The following COL9A2 variants were observed in gnomAD, a reference collection of about 807,000 sequenced individuals.
The protein encoded by COL9A2 is collagen type IX alpha 2 chain.
In COL9A2, 66 loss-of-function variants were observed where a neutral mutation model predicts 111.6. The ratio of observed to expected loss-of-function variants is 0.59; its 90% CI spans 0.48 to 0.73. The LOEUF is 0.73. Among genes scored for constraint, COL9A2 ranks in the 30% least tolerant of loss-of-function variants. The pLI is 0.00. For missense variants in COL9A2, 881 were observed against 954.1 expected (o/e 0.92, Z 1.01); for synonymous variants, 353 against 364.1 (o/e 0.97, Z 0.35).
chr1:40,307,615 G>T lies in COL9A2; in HGVS notation c.954+88C>A. The stretch of plus-strand genomic sequence containing the variant: ...CAGAGGCAAGAAAGGGCATGTCCAT[G>T]ACCTGAGGACCCCAGGCTCTTGGTG... On this transcript the variant is annotated intron_variant, in intron 18 of 31. Coordinates refer to ENST00000372748, the MANE Select transcript of COL9A2 (RefSeq NM_001852.4). The surrounding 1 kb of genome is among the most constrained non-coding windows in gnomAD (Gnocchi z 4.8). The T allele has an allele frequency of 1.9e-6, 3 of 1,584,566 alleles. No individual in the cohort carries two copies. In the South Asian group the frequency reaches 3.4e-5, roughly 18 times the overall value.
Position 40,303,762 on chromosome 1 carries a change from TG to T in COL9A2, c.1401+44del. On this transcript the variant is annotated intron_variant, in intron 27 of 31. Transcript: ENST00000372748. The surrounding 1 kb of genome is among the most constrained non-coding windows in gnomAD (Gnocchi z 4.6). ...GGGGGGTGGGGGTCGAGGAAGGGAG[TG>T]GCCGCCCAGGAAAGTCGGAGAACGC... 1 of 1,551,940 alleles carries T rather than the reference TG, an allele frequency of 6.4e-7. No homozygotes were observed. The highest frequency in any genetic ancestry group is 8.7e-7 in the Non-Finnish European group (1 of 1,150,034).
rs373854582 is a variant in COL9A2, at chr1:40,307,765, G to C, written c.901-9C>G. ...TTGATGCCTGGGGGGCCCTACCCAG[G>C]AGGAAAGTTCAAGGGAGAGTGATAA... On this transcript the variant is annotated splice_polypyrimidine_tract_variant and intron_variant, in intron 17 of 31. Transcript: ENST00000372748. The surrounding 1 kb of genome is among the most constrained non-coding windows in gnomAD (Gnocchi z 4.8). The C allele has an allele frequency of 1.2e-6, 2 of 1,614,090 alleles. No homozygotes were observed. Among genetic ancestry groups the C allele is most frequent in the Non-Finnish European group, 1.7e-6 (2 of 1,179,960 alleles).
rs1378780348 is a variant in COL9A2, at chr1:40,310,609, C to T, written c.684+105G>A. 11 of 1,067,060 alleles carry T rather than the reference C, an allele frequency of 1.0e-5. No homozygotes were observed. The Admixed American group carries it at 1.2e-4, about 12-fold the overall frequency. The allele number at this position is 1,067,060 out of a possible 1,614,324, so 66.1% of individuals were successfully genotyped here. A position where few individuals can be genotyped will look rare whatever the true frequency, so the allele number is the denominator to read the frequency against. On this transcript the variant is annotated intron_variant, in intron 13 of 31. Transcript: ENST00000372748. The surrounding 1 kb of genome is among the most constrained non-coding windows in gnomAD (Gnocchi z 4.9). The stretch of plus-strand genomic sequence containing the variant: ...CCATCCAGAGATGCTCCCAGCTAGA[C>T]ACAGGTGTCTCTTTTACAAGCTAGA...
chr1:40,311,102 C>T lies in COL9A2; in HGVS notation c.621G>A (p.Gln207=). 8.1e-6 allele frequency: 13 copies of T among 1,614,160 alleles called. No homozygotes were observed. The highest frequency in any genetic ancestry group is 1.1e-5 in the Non-Finnish European group (13 of 1,180,034). The change falls in exon 12 of 32, where the codon CAG becomes CAA. Residue 207 remains glutamine (Q), a synonymous_variant. Coordinates refer to ENST00000372748, the MANE Select transcript of COL9A2 (RefSeq NM_001852.4). The surrounding 1 kb of genome is among the most constrained non-coding windows in gnomAD (Gnocchi z 5.1). ...CAGCCCTTGCACTCACCGGCTTCCC[C>T]TGGTGGCCAGGATCACCCAGAATCC... ...KRGILGDPGH[Q]GKPGPKGDVG...
chr1:40,312,529 C>A lies in COL9A2; in HGVS notation c.339+45G>T. ...GCTTCATGGCTCCCTCTGCAGGTCCCCTCTCCCCCAAGAGTCCCTCGAAGC... is the reference window on the plus strand; with the variant it reads ...GCTTCATGGCTCCCTCTGCAGGTCCACTCTCCCCCAAGAGTCCCTCGAAGC... On this transcript the variant is annotated intron_variant, in intron 6 of 31. Transcript: ENST00000372748. The surrounding 1 kb of genome is among the most constrained non-coding windows in gnomAD (Gnocchi z 6.0). 6.2e-7 allele frequency: 1 copy of A among 1,613,934 alleles called. No homozygotes were observed. Among genetic ancestry groups the A allele is most frequent in the Non-Finnish European group, 8.5e-7 (1 of 1,179,952 alleles).
chr1:40,305,744 G>A lies in COL9A2; in HGVS notation c.1078C>T (p.Pro360Ser). 6.2e-7 allele frequency: 1 copy of A among 1,614,116 alleles called. No individual in the cohort carries two copies. The highest frequency in any genetic ancestry group is 1.3e-5 in the African/African-American group (1 of 75,046). ...DQGEPGPQGL[P>S]GFSGPPGKEG... ...TTCCCAGGGGGACCAGAGAATCCAG[G>A]AAGGCCCTGCGGGCCCGGCTCACCC... is the stretch of plus-strand genomic sequence containing the variant. Residue 360 changes from proline (P) to serine (S), a missense_variant, in exon 21 of 32, where the codon CCT (proline) becomes TCT (serine). Coordinates refer to ENST00000372748, the MANE Select transcript of COL9A2 (RefSeq NM_001852.4).
At position 40,317,172 on chromosome 1, in the gene COL9A2, C is replaced by CG. The variant is rs754420454; in HGVS notation, c.25dup (p.Arg9ProfsTer18). 3 of 1,588,592 alleles carry CG rather than the reference C, an allele frequency of 1.9e-6. No individual in the cohort carries two copies. The highest frequency in any genetic ancestry group is 1.1e-5 in the South Asian group (1 of 87,218). ...CACCTGGAGGAGAACAAGGAGGCTG[C>CG]GGGGGGAGGCCGTAGCGGCGGCCAT... On this transcript the variant is annotated frameshift_variant, in exon 1 of 32. Transcript: ENST00000372748. LOFTEE classifies it high-confidence loss of function. The surrounding 1 kb of genome is among the most constrained non-coding windows in gnomAD (Gnocchi z 4.3).
intron 21 of COL9A2, 91 bp downstream of exon 21, chr1:40,305,624 A>T: frequency 8.3e-7 from 1 of 1,207,698 alleles, no homozygotes; most frequent in Non-Finnish European, 1.2e-6. Context: ...GGGCAGAGCC[A>T]GACTAACTCG....
At chr1:40,306,223 C>T (rs2124065504) in intron 19 of COL9A2, 36 bp from the exon 20 acceptor site, 2 of 1,613,592 alleles carry the variant, frequency 1.2e-6, no homozygotes, top group Non-Finnish European at 1.7e-6. Flanking sequence ...TCTGCCCTGG[C>T]ATGAGGGAGC....
At position 40,310,500 on chromosome 1, in the gene COL9A2, G is replaced by T. The variant is rs989075668; in HGVS notation, c.685-183C>A. On this transcript the variant is annotated intron_variant, in intron 13 of 31. Coordinates refer to ENST00000372748, the MANE Select transcript of COL9A2 (RefSeq NM_001852.4). The surrounding 1 kb of genome is among the most constrained non-coding windows in gnomAD (Gnocchi z 4.9). ...TCACTGCATTACTCAAAGGGACAGT[G>T]GCAGACCTGGACCTCAGCCTGGGCT... Among the ~76,000 whole-genome samples, 1 of 152,176 alleles carries T rather than the reference G, an allele frequency of 6.6e-6. No homozygotes were observed. The highest frequency in any genetic ancestry group is 1.5e-5 in the Non-Finnish European group (1 of 68,032).
chr1:40,311,311 T>C lies in COL9A2; in HGVS notation c.520-25A>G, dbSNP rs1230010213. 1 of 1,612,006 alleles carries C rather than the reference T, an allele frequency of 6.2e-7. No homozygotes were observed. Among genetic ancestry groups the C allele is most frequent in the African/African-American group, 1.3e-5 (1 of 74,774 alleles). On this transcript the variant is annotated intron_variant, in intron 10 of 31. Transcript: ENST00000372748. The surrounding 1 kb of genome is among the most constrained non-coding windows in gnomAD (Gnocchi z 5.1). ...ACTGGAAACAGAAAATCCCACAGGG[T>C]CCTGTGATCAGCTGGGCAGTGCGCC...
rs1207454526 is a variant in COL9A2, at chr1:40,302,938, G to A, written c.1604-129C>T. 11 of 1,144,990 alleles carry A rather than the reference G, an allele frequency of 9.6e-6. No homozygotes were observed. Among genetic ancestry groups the A allele is most frequent in the South Asian group, 8.2e-5 (6 of 73,340 alleles). 70.9% of individuals were successfully genotyped at this position (1,144,990 alleles called of 1,614,324 possible). On this transcript the variant is annotated intron_variant, in intron 29 of 31. Coordinates refer to ENST00000372748, the MANE Select transcript of COL9A2 (RefSeq NM_001852.4). This position sits in a 1 kb window ranked among gnomAD's most constrained non-coding sequence, Gnocchi z 4.5. ...TGCAGACAGAAAAGCACCACCTTCC[G>A]TGGGCTCTGTTTTGCGGAAGTCAAA...
intron 24 of COL9A2, 24 bp downstream of exon 24, chr1:40,304,296 G>A (rs1480662024): frequency 6.4e-7 from 1 of 1,552,316 alleles, no homozygotes. Context: ...CCTTTCCCAG[G>A]TGTTTCCCAG....
chr1:40,303,820 C>T lies in COL9A2; in HGVS notation c.1388G>A (p.Gly463Glu). ...KGEKGESGEP[G>E]PKGQQGVRGE... ...GGGAGGACTCACCTGTCCCTTGGGC[C>T]CCGGCTCGCCGGACTCGCCCTGCAG... Residue 463 changes from glycine (G) to glutamate (E), a missense_variant, in exon 27 of 32, where the codon GGG becomes GAG. Physicochemically the swap from Gly to Glu is moderately conservative, Grantham distance 98. Coordinates refer to ENST00000372748, the MANE Select transcript of COL9A2 (RefSeq NM_001852.4). The surrounding 1 kb of genome is among the most constrained non-coding windows in gnomAD (Gnocchi z 4.6). The T allele has an allele frequency of 6.4e-7, 1 of 1,562,328 alleles. No homozygotes were observed.
At chr1:40,309,902 G>A in intron 16 of COL9A2, 36 bp downstream of exon 16, 1 of 1,610,888 alleles carries the variant, frequency 6.2e-7, no homozygotes, top group Non-Finnish European at 8.5e-7. Flanking sequence ...TACTCCCCAG[G>A]GGTCCTGACT....
rs1336073590 is a variant in COL9A2 at position 40,302,642 on chromosome 1, T to C, written c.1771A>G (p.Ile591Val). ...TCACCCTTGGGCCCCGTGTTGCCGA[T>C]CTGACCCACGGCTCCCACGATGCCA... is the stretch of plus-strand genomic sequence containing the variant. Reference protein sequence around the residue: ...VPGIVGAVGQIGNTGPKGKRG... With the variant: ...VPGIVGAVGQVGNTGPKGKRG... The change falls in exon 30 of 32, where the codon ATC (isoleucine) becomes GTC (valine). Residue 591 changes from isoleucine (I) to valine (V), a missense_variant. Transcript: ENST00000372748. The surrounding 1 kb of genome is among the most constrained non-coding windows in gnomAD (Gnocchi z 4.5). 4 of 1,604,044 alleles carry C rather than the reference T, an allele frequency of 2.5e-6. 1 individual carries two copies. In the East Asian group the frequency reaches 6.8e-5, roughly 27 times the overall value.
Position 40,310,946 on chromosome 1 carries a change from C to T in COL9A2, c.630+147G>A, listed in dbSNP as rs981544139. 28 of 1,170,672 alleles carry T rather than the reference C, an allele frequency of 2.4e-5. No homozygotes were observed. The highest frequency in any genetic ancestry group is 1.8e-4 in the African/African-American group (12 of 65,844). 72.5% of individuals were successfully genotyped at this position (1,170,672 alleles called of 1,614,324 possible). On this transcript the variant is annotated intron_variant, in intron 12 of 31. Coordinates refer to ENST00000372748, the MANE Select transcript of COL9A2 (RefSeq NM_001852.4). This position sits in a 1 kb window ranked among gnomAD's most constrained non-coding sequence, Gnocchi z 4.9. ...CAAGGAGACATGACCAGAGACATGC[C>T]GACCTGGAGCACAGGCCTCCAGCCC... is the stretch of plus-strand genomic sequence containing the variant.
At position 40,311,276 on chromosome 1, in the gene COL9A2, T is replaced by C. The variant is rs1569747228; in HGVS notation, c.530A>G (p.Asn177Ser). 1.9e-6 allele frequency: 3 copies of C among 1,614,074 alleles called. No individual in the cohort carries two copies. Among genetic ancestry groups the C allele is most frequent in the Non-Finnish European group, 2.5e-6 (3 of 1,179,978 alleles). Residue 177 changes from asparagine to serine, a missense_variant, in exon 11 of 32, where the codon AAC (asparagine) becomes AGC (serine). By Grantham distance (46) the Asn-to-Ser change is conservative. Coordinates refer to ENST00000372748, the MANE Select transcript of COL9A2 (RefSeq NM_001852.4). This position sits in a 1 kb window ranked among gnomAD's most constrained non-coding sequence, Gnocchi z 5.1. ...EGSADFLCPT[N>S]CPPGMKGPPG... ...GGGACCTTTCATTCCGGGTGGACAG[T>C]TGGTTGGACACTGGAAACAGAAAAT...
In COL9A2 at chr1:40,306,416, T is replaced by C. The variant is rs533435700; in HGVS notation, c.1009-229A>G. On this transcript the variant is annotated intron_variant, in intron 19 of 31. Transcript: ENST00000372748. ...GGACCTGGGGTCTACGTGGAAGAGA[T>C]GGATATGTGCTCTCAGGTGCCTGAG... Among the ~76,000 whole-genome samples the C allele has an allele frequency of 1.1e-4, 16 of 152,106 alleles. No homozygotes were observed. In the East Asian group the frequency reaches 2.1e-3, roughly 20 times the overall value.
Sources: allele counts gnomAD v4.1 joint callset (sites outside exome capture counted in the v4.1 genomes callset), GRCh38; gene constraint gnomAD v4.1.1; non-coding constraint Gnocchi (gnomAD v3.1); transcripts MANE v1.5; gene names NCBI Gene and HGNC (gene_info 2026-07-23, HGNC 2026-07-21).